RCOR2: variants seen among roughly 807,000 people sequenced by gnomAD.
RCOR2 encodes the protein REST corepressor 2.
RCOR2 carries 19 observed loss-of-function variants against 58.9 expected under a neutral mutation model. That is an observed-to-expected ratio of 0.32 (90% CI 0.23 to 0.47). The LOEUF is 0.47. Among genes scored for constraint, RCOR2 ranks in the 20% least tolerant of loss-of-function variants. The pLI is 1.00. For missense variants in RCOR2, 590 were observed against 707.9 expected (o/e 0.83, Z 1.89); for synonymous variants, 286 against 278.7 (o/e 1.03, Z -0.26).
At chr11:63,923,968 G>T in the RCOR2 span, among the ~76,000 whole-genome samples, 1 of 152,224 alleles carries the variant, frequency 6.6e-6, no homozygotes, top group Non-Finnish European at 1.5e-5. Context: ...GAGTGCAATG[G>T]CACGATCTTG....
rs1395607320 is a variant in RCOR2, at chr11:63,916,612, G to C, written c.-156C>G. 1 of 1,297,224 alleles carries C rather than the reference G, an allele frequency of 7.7e-7. No individual in the cohort carries two copies. The highest frequency in any genetic ancestry group is 1.5e-5 in the African/African-American group (1 of 66,658). The allele number at this position is 1,297,224 out of a possible 1,614,324, so 80.4% of individuals were successfully genotyped here. A position where few individuals can be genotyped will look rare whatever the true frequency, so the allele number is the denominator to read the frequency against. On this transcript the variant is annotated 5_prime_UTR_variant, in exon 1 of 12. Coordinates refer to ENST00000301459, the MANE Select transcript of RCOR2 (RefSeq NM_173587.4). Reference sequence around the variant, plus strand: ...AGCGTGGCTAGGGTCCGGCGGGGTGGGAGCCCACCTGGTAGCCCCAGCGCT... The same window carrying C: ...AGCGTGGCTAGGGTCCGGCGGGGTGCGAGCCCACCTGGTAGCCCCAGCGCT...
At chr11:63,915,153 C>T (rs751347861) in intron 3 of RCOR2, 25 bp downstream of exon 3, 6 of 1,547,032 alleles carry the variant, frequency 3.9e-6, no homozygotes, top group East Asian at 4.9e-5. Flanking sequence ...CAAGCCCCCA[C>T]CTCCCAGGGC....
upstream of RCOR2, among the ~76,000 whole-genome samples, chr11:63,917,450 A>C (rs1017826639): frequency 1.3e-5 from 2 of 151,842 alleles, no homozygotes; most frequent in Admixed American, 6.5e-5. Flanking sequence ...GCGCACACCA[A>C]CACCACACAC....
At chr11:63,927,065 T>C in the RCOR2 span, among the ~76,000 whole-genome samples, 1 of 151,710 alleles carries the variant, frequency 6.6e-6, no homozygotes, top group African/African-American at 2.4e-5. Context: ...CCACCCAAAC[T>C]CCTGGCCTCA....
chr11:63,911,666 G>T lies in RCOR2; in HGVS notation c.*199C>A. On this transcript the variant is annotated 3_prime_UTR_variant, in exon 12 of 12. Transcript: ENST00000301459. ...GGCCAGCTCAAAGGCCCCTGAGCCC[G>T]GCCATGGCCCCAGGAGACAGGCCCA... The T allele has an allele frequency of 1.2e-6, 1 of 841,732 alleles. No homozygotes were observed. Among genetic ancestry groups the T allele is most frequent in the Non-Finnish European group, 1.7e-6 (1 of 603,584 alleles). 52.1% of individuals were successfully genotyped at this position (841,732 alleles called of 1,614,324 possible).
chr11:63,920,817 C>T (rs113281298), upstream of RCOR2, among the ~76,000 whole-genome samples: 1 of 152,120 alleles, frequency 6.6e-6, no homozygotes, highest in Non-Finnish European at 1.5e-5. Flanking sequence ...GGCTGTGTGG[C>T]CCAGGGTGCT....
At chr11:63,912,218 C>G in intron 11 of RCOR2, 39 bp from the exon 12 acceptor site, 1 of 1,596,358 alleles carries the variant, frequency 6.3e-7, no homozygotes, top group South Asian at 1.1e-5. Flanking sequence ...AGGCTCTTCC[C>G]GCCCTCAGCC....
In RCOR2 at chr11:63,915,620, C is replaced by G; in HGVS notation, c.128-9G>C. 1 of 975,066 alleles carries G rather than the reference C, an allele frequency of 1.0e-6. No individual in the cohort carries two copies. The highest frequency in any genetic ancestry group is 1.4e-6 in the Non-Finnish European group (1 of 726,126). 60.4% of individuals were successfully genotyped at this position (975,066 alleles called of 1,614,324 possible). A position where few individuals can be genotyped will look rare whatever the true frequency, so the allele number is the denominator to read the frequency against. Reference sequence around the variant, plus strand: ...AACGCGGATCATGCTGTCTGTGGAGCCAGGGGGAGGCAGTCAGGACTCCAG... The same window carrying G: ...AACGCGGATCATGCTGTCTGTGGAGGCAGGGGGAGGCAGTCAGGACTCCAG... On this transcript the variant is annotated splice_polypyrimidine_tract_variant and intron_variant, in intron 1 of 11. Transcript: ENST00000301459.
At chr11:63,923,065 C>T in the RCOR2 span, among the ~76,000 whole-genome samples, 9 of 152,182 alleles carry the variant, frequency 5.9e-5, no homozygotes, top group East Asian at 1.9e-4. Context: ...GTGAGGCCAT[C>T]TGGGAGGAAC....
At chr11:63,922,188 A>G in the RCOR2 span, among the ~76,000 whole-genome samples, 1 of 152,008 alleles carries the variant, frequency 6.6e-6, no homozygotes, top group East Asian at 1.9e-4. Flanking sequence ...AGCCAAATAA[A>G]CTTTTTTGTT....
intron 3 of RCOR2, 35 bp downstream of exon 3, chr11:63,915,143 C>T: frequency 1.3e-6 from 2 of 1,540,840 alleles, no homozygotes; most frequent in Non-Finnish European, 8.8e-7. Flanking sequence ...GGGATGAACC[C>T]AAGCCCCCAC....
In RCOR2 at chr11:63,912,100, AGCGAGGT is replaced by A. The variant is rs1183375197; in HGVS notation, c.1330_1336del (p.Thr444CysfsTer8). On this transcript the variant is annotated frameshift_variant, in exon 12 of 12. Transcript: ENST00000301459. LOFTEE classifies it high-confidence loss of function. ...CCTCAGCAGCGGGGGTGGCTGGGAC[AGCGAGGT>A]GGGAGGTGGAGGGGGTGGTGGCGCA... 8.6e-7 allele frequency: 1 copy of A among 1,165,206 alleles called. No individual in the cohort carries two copies. Among genetic ancestry groups the A allele is most frequent in the Admixed American group, 4.1e-5 (1 of 24,344 alleles). 72.2% of individuals were successfully genotyped at this position (1,165,206 alleles called of 1,614,324 possible). A position where few individuals can be genotyped will look rare whatever the true frequency, so the allele number is the denominator to read the frequency against.
chr11:63,916,427 C>T lies in RCOR2; in HGVS notation c.30G>A (p.Ala10=), dbSNP rs1177198548. Residue 10 remains alanine, a synonymous_variant, in exon 1 of 12, where the codon GCG becomes GCA. Coordinates refer to ENST00000301459, the MANE Select transcript of RCOR2 (RefSeq NM_173587.4). ...GGCTACGGGACAGGATCCCAGAGCC[C>T]GCGCTCGGCTTCTCCATCACTGAGG... MPSVMEKPS[A]GSGILSRSRA... 6.2e-7 allele frequency: 1 copy of T among 1,607,648 alleles called. No homozygotes were observed. Among genetic ancestry groups the T allele is most frequent in the Non-Finnish European group, 8.5e-7 (1 of 1,177,902 alleles).
At chr11:63,913,051 C>A (rs183098692) in intron 8 of RCOR2, 104 bp from the exon 9 acceptor site, 2 of 954,346 alleles carry the variant, frequency 2.1e-6, no homozygotes, top group Non-Finnish European at 3.1e-6. Flanking sequence ...ACCACTGCCC[C>A]GGCAAAGCTT....
the RCOR2 span, among the ~76,000 whole-genome samples, chr11:63,925,809 A>AG: frequency 6.6e-6 from 1 of 151,310 alleles, no homozygotes; most frequent in East Asian, 1.9e-4. Flanking sequence ...TCAAAAAAAA[A>AG]AAAAAGATGG....
At chr11:63,918,370 C>T (rs1256639187), upstream of RCOR2, among the ~76,000 whole-genome samples, 2 of 152,196 alleles carry the variant, frequency 1.3e-5, no homozygotes, top group African/African-American at 2.4e-5. Context: ...GCCGCTTGTT[C>T]CCGGGGACTC....
Position 63,911,670 on chromosome 11 carries a change from A to G in RCOR2, c.*195T>C, listed in dbSNP as rs538970470. ...AGCTCAAAGGCCCCTGAGCCCGGCC[A>G]TGGCCCCAGGAGACAGGCCCAGCTG... On this transcript the variant is annotated 3_prime_UTR_variant, in exon 12 of 12. Coordinates refer to ENST00000301459, the MANE Select transcript of RCOR2 (RefSeq NM_173587.4). The G allele has an allele frequency of 1.5e-4, 137 of 891,152 alleles. 2 individuals carry two copies. The South Asian group carries it at 3.3e-3, about 21-fold the overall frequency. 55.2% of individuals were successfully genotyped at this position (891,152 alleles called of 1,614,324 possible).
Position 63,914,445 on chromosome 11 carries a change from G to C in RCOR2, c.577C>G (p.Leu193Val). 1 of 1,613,652 alleles carries C rather than the reference G, an allele frequency of 6.2e-7. No homozygotes were observed. ...TCTTCTTTGTCCTTGCGGCCCCCCA[G>C]CCGCCGGGCCTGTCTGTCCATCACA... Reference protein sequence around the residue: ...TSVMDRQARRLGGRKDKEDSD... With the variant: ...TSVMDRQARRVGGRKDKEDSD... Residue 193 changes from leucine (L) to valine (V), a missense_variant, in exon 6 of 12, where the codon CTG (leucine) becomes GTG (valine). Transcript: ENST00000301459.
At chr11:63,923,326 CCACTCCCAACCCT>C in the RCOR2 span, among the ~76,000 whole-genome samples, 1 of 151,984 alleles carries the variant, frequency 6.6e-6, no homozygotes, top group Non-Finnish European at 1.5e-5. Context: ...CTCCCGTACC[CCACTCCCAACCCT>C]CCCTTCATCC....
Sources: allele counts gnomAD v4.1 joint callset (sites outside exome capture counted in the v4.1 genomes callset), GRCh38; gene constraint gnomAD v4.1.1; transcripts MANE v1.5; gene names NCBI Gene and HGNC (gene_info 2026-07-23, HGNC 2026-07-21).